Variants in HSH2D observed in about 807,000 individuals in gnomAD.
HSH2D encodes the protein hematopoietic SH2 domain containing, also known as hematopoietic SH2 domain-containing protein.
In HSH2D, 16 loss-of-function variants were observed where a neutral mutation model predicts 21.5. The ratio of observed to expected loss-of-function variants is 0.74; its 90% CI spans 0.50 to 1.13. The LOEUF (loss-of-function observed/expected upper bound fraction) is 1.13. Among genes scored for constraint, HSH2D ranks in the 50% most tolerant of loss-of-function variants. The pLI is 0.00. For missense variants in HSH2D, 418 were observed against 441.4 expected, an observed-to-expected ratio of 0.95 and a Z score of 0.47; for synonymous variants, 172 against 184.7, an observed-to-expected ratio of 0.93 and a Z score of 0.56.
At chr19:16,152,799 T>C in intron 3 of HSH2D, 158 bp downstream of exon 3, 2 of 762,790 alleles carry the variant, frequency 2.6e-6, no homozygotes, top group Non-Finnish European at 4.6e-6. Context: ...TGAGTGAAGC[T>C]TTTGTCCGTA....
At chr19:16,140,816 A>G (rs2090994944), upstream of HSH2D, among the ~76,000 whole-genome samples, 1 of 151,352 alleles carries the variant, frequency 6.6e-6, no homozygotes, top group Admixed American at 6.6e-5. Flanking sequence ...GAGCCCAGGA[A>G]GTAGAGGCTG....
chr19:16,142,273 A>G (rs373480736), upstream of HSH2D, among the ~76,000 whole-genome samples: 10 of 152,176 alleles, frequency 6.6e-5, no homozygotes, highest in African/African-American at 2.2e-4. Flanking sequence ...ACAAAAAAAT[A>G]TACTCTTTCT....
chr19:16,147,344 C>T (rs1050661401), intron 1 of HSH2D, among the ~76,000 whole-genome samples: 3 of 151,244 alleles, frequency 2.0e-5, no homozygotes, highest in South Asian at 2.1e-4. Context: ...ATTAGCCAGG[C>T]GTGGTGGCAC....
upstream of HSH2D, among the ~76,000 whole-genome samples, chr19:16,138,808 G>A (rs928849749): frequency 2.0e-5 from 3 of 151,872 alleles, no homozygotes; most frequent in Admixed American, 1.3e-4. Flanking sequence ...AACTCATTCA[G>A]CATCTGTCTC....
chr19:16,137,961 T>C (rs187073581), intron 1 of HSH2D, among the ~76,000 whole-genome samples: 1 of 152,206 alleles, frequency 6.6e-6, no homozygotes, highest in African/African-American at 2.4e-5. Flanking sequence ...TTCTGCCTCC[T>C]GGGTTCAAGC....
chr19:16,137,501 A>G (rs10418923), intron 1 of HSH2D, among the ~76,000 whole-genome samples: 113,394 of 150,894 alleles, frequency 0.75, 43,127 homozygotes, highest in African/African-American at 0.85. Flanking sequence ...CACTTGAACC[A>G]GGGAGGCGGA....
At chr19:16,151,765 G>GAAAAAA (rs746775825) in intron 2 of HSH2D, among the ~76,000 whole-genome samples, 1 of 61,316 alleles carries the variant, frequency 1.6e-5, no homozygotes, top group Non-Finnish European at 3.2e-5. Flanking sequence ...TGCCACAGCT[G>GAAAAAA]AAAAAAAAAA....
At chr19:16,136,230 G>T (rs1190322815) in intron 1 of HSH2D, among the ~76,000 whole-genome samples, 1 of 152,290 alleles carries the variant, frequency 6.6e-6, no homozygotes, top group East Asian at 1.9e-4. Flanking sequence ...CTGATAAATG[G>T]CCACTTTGGG....
At position 16,152,596 on chromosome 19, in the gene HSH2D, T is replaced by C; in HGVS notation, c.170T>C (p.Leu57Pro). ...LLESQPLGSFLIRVSHSHVGY... is the reference protein window; with the variant it reads ...LLESQPLGSFPIRVSHSHVGY... ...GAGTCACAGCCACTGGGATCCTTTC[T>C]CATCAGGGTCAGTCACAGCCATGTG... Residue 57 changes from leucine to proline, a missense_variant, in exon 3 of 6, where the codon CTC becomes CCC. Leu to Pro is a moderately conservative substitution (Grantham distance 98). Coordinates refer to ENST00000613986, the MANE Select transcript of HSH2D (RefSeq NM_001382417.1). 6.6e-7 allele frequency: 1 copy of C among 1,511,972 alleles called. No homozygotes were observed. The highest frequency in any genetic ancestry group is 8.8e-7 in the Non-Finnish European group (1 of 1,132,534). 93.7% of individuals were successfully genotyped at this position (1,511,972 alleles called of 1,614,324 possible).
At chr19:16,154,352 CT>C in intron 4 of HSH2D, 46 bp from the exon 5 acceptor site, 1 of 1,368,490 alleles carries the variant, frequency 7.3e-7, no homozygotes, top group Non-Finnish European at 1.0e-6. Flanking sequence ...CGTGCAGGAC[CT>C]TTCCCCCTCC....
intron 1 of HSH2D, among the ~76,000 whole-genome samples, chr19:16,145,480 T>G (rs947086515): frequency 2.0e-5 from 3 of 152,200 alleles, no homozygotes; most frequent in African/African-American, 7.2e-5. Context: ...CTGACAGTGC[T>G]GGGATTACAG....
chr19:16,154,115 G>C (rs1186049343), intron 4 of HSH2D, among the ~76,000 whole-genome samples: 2 of 145,812 alleles, frequency 1.4e-5, no homozygotes, highest in Non-Finnish European at 1.5e-5. Flanking sequence ...CCAAGAAACT[G>C]TTGTGGGCGG....
At chr19:16,154,720 C>T (rs1466166137) in intron 5 of HSH2D, 1 of 403,922 alleles carries the variant, frequency 2.5e-6, no homozygotes, top group Non-Finnish European at 4.6e-6. Flanking sequence ...GCCATACCGT[C>T]TGTTGTTCAG....
At chr19:16,143,079 C>A (rs2091016376), upstream of HSH2D, among the ~76,000 whole-genome samples, 1 of 151,822 alleles carries the variant, frequency 6.6e-6, no homozygotes, top group Non-Finnish European at 1.5e-5. Flanking sequence ...TCTGTTCCCC[C>A]TTTGTTGCTT....
intron 2 of HSH2D, among the ~76,000 whole-genome samples, chr19:16,152,262 CA>C (rs1466572931): frequency 2.0e-5 from 3 of 150,522 alleles, no homozygotes; most frequent in Non-Finnish European, 4.4e-5. Flanking sequence ...CTAAAATATA[CA>C]AAAAATTAGC....
intron 5 of HSH2D, among the ~76,000 whole-genome samples, chr19:16,155,316 G>A (rs1270362824): frequency 6.6e-6 from 1 of 152,106 alleles, no homozygotes; most frequent in African/African-American, 2.4e-5. Context: ...CCTAGAGGAG[G>A]TGGCTTATAG....
intron 5 of HSH2D, chr19:16,155,682 A>G (rs2145061606): frequency 6.8e-6 from 1 of 146,872 alleles, no homozygotes; most frequent in South Asian, 2.1e-4. Flanking sequence ...GTGGAATGGC[A>G]CAGTCTAGGC....
intron 1 of HSH2D, among the ~76,000 whole-genome samples, chr19:16,143,997 G>T (rs1331077778): frequency 1.3e-5 from 2 of 152,074 alleles, no homozygotes; most frequent in African/African-American, 4.8e-5. Context: ...CATGAGCAAA[G>T]GTATGGAGAG....
rs35070155 is a variant in HSH2D, at chr19:16,144,686, C to CTTTTTTTT, written c.-28+929_-28+936dup. 5.7e-4 allele frequency among the ~76,000 whole-genome samples: 49 copies of CTTTTTTTT among 85,928 alleles called. 3 individuals are homozygous for CTTTTTTTT. The highest frequency in any genetic ancestry group is 8.2e-4 in the Non-Finnish European group (38 of 46,470). The allele number at this position is 85,928 out of a possible 152,430, so 56.4% of individuals were successfully genotyped here. ...GGCCATCTGGGTCGAATTCTAGGCT[C>CTTTTTTTT]TTTTTTTTTTTTTTTTTTTTTTTTG... On this transcript the variant is annotated intron_variant, in intron 1 of 5. Transcript: ENST00000613986.
Sources: allele counts gnomAD v4.1 joint callset (sites outside exome capture counted in the v4.1 genomes callset), GRCh38; gene constraint gnomAD v4.1.1; transcripts MANE v1.5; gene names NCBI Gene and HGNC (gene_info 2026-07-23, HGNC 2026-07-21).